The following GTF2A1 variants were observed in gnomAD, a reference collection of about 807,000 sequenced individuals.
GTF2A1 encodes the protein transcription initiation factor IIA subunit 1.
In GTF2A1, 12 loss-of-function variants were observed where a neutral mutation model predicts 54.1. The observed-to-expected ratio is 0.22, with a 90% CI of 0.14 to 0.36. The LOEUF (loss-of-function observed/expected upper bound fraction) is 0.36. GTF2A1 is among the 10% of genes least tolerant of loss of function. The probability of loss-of-function intolerance (pLI) is 1.00; values close to 1 mark genes in which losing one functional copy is unlikely to be tolerated. For missense variants in GTF2A1, 335 were observed against 442.2 expected, an observed-to-expected ratio of 0.76 and a Z score of 2.17; for synonymous variants, 145 against 152.0, an observed-to-expected ratio of 0.95 and a Z score of 0.34.
intron 6 of GTF2A1, among the ~76,000 whole-genome samples, chr14:81,193,408 G>T (rs752137932): frequency 6.6e-6 from 1 of 151,936 alleles, no homozygotes; most frequent in Non-Finnish European, 1.5e-5. Context: ...CTCATGATCC[G>T]CCCGCCTCCC....
In GTF2A1 at chr14:81,220,784, G is replaced by A; in HGVS notation, c.-266C>T. On this transcript the variant is annotated 5_prime_UTR_variant, in exon 1 of 9. Coordinates refer to ENST00000553612, the MANE Select transcript of GTF2A1 (RefSeq NM_015859.4). Reference sequence around the variant, plus strand: ...ACCCTTCAGGGGTCCGGGGGGCGTTGCCCGCTCCCCACCCCGCGCCAAGGA... The same window carrying A: ...ACCCTTCAGGGGTCCGGGGGGCGTTACCCGCTCCCCACCCCGCGCCAAGGA... 1 of 355,022 alleles carries A rather than the reference G, an allele frequency of 2.8e-6. No homozygotes were observed. Among genetic ancestry groups the A allele is most frequent in the Non-Finnish European group, 5.1e-6 (1 of 197,352 alleles). 22.0% of individuals were successfully genotyped at this position (355,022 alleles called of 1,614,324 possible). A position where few individuals can be genotyped will look rare whatever the true frequency, so the allele number is the denominator to read the frequency against.
chr14:81,195,730 C>G (rs575922956), intron 6 of GTF2A1, among the ~76,000 whole-genome samples: 1 of 151,646 alleles, frequency 6.6e-6, no homozygotes, highest in Non-Finnish European at 1.5e-5. Flanking sequence ...ATTCTACACA[C>G]CCACTTCCAG....
Position 81,178,716 on chromosome 14 carries a change from G to GA in GTF2A1, c.*1506dup, listed in dbSNP as rs1255874417. 2 of 152,060 alleles carry GA rather than the reference G, an allele frequency of 1.3e-5. No homozygotes were observed. The highest frequency in any genetic ancestry group is 3.9e-4 in the East Asian group (2 of 5,186). The allele number at this position is 152,060 out of a possible 1,614,324, so 9.4% of individuals were successfully genotyped here. A position where few individuals can be genotyped will look rare whatever the true frequency, so the allele number is the denominator to read the frequency against. ...TAAAAAGTGTTCATGTGTTACTTCT[G>GA]AAAACACAAAGGCAAAAGGAAGACA... is the stretch of plus-strand genomic sequence containing the variant. On this transcript the variant is annotated 3_prime_UTR_variant, in exon 9 of 9. Transcript: ENST00000553612.
At chr14:81,211,640 C>T (rs557775988) in intron 2 of GTF2A1, among the ~76,000 whole-genome samples, 1 of 152,080 alleles carries the variant, frequency 6.6e-6, no homozygotes, top group East Asian at 1.9e-4. Context: ...CGTCACATCA[C>T]AAGCCCAGAG....
chr14:81,179,544 TTTAA>T lies in GTF2A1; in HGVS notation c.*675_*678del, dbSNP rs1892596520. The T allele has an allele frequency of 6.6e-6, 1 of 152,208 alleles. No homozygotes were observed. The highest frequency in any genetic ancestry group is 2.1e-4 in the South Asian group (1 of 4,838). The allele number at this position is 152,208 out of a possible 1,614,324, so 9.4% of individuals were successfully genotyped here. ...GACAAGACCCAAGTCTTTAATTACATTTAATAAGTATGAAAACCTAATTAAAATA... is the reference window on the plus strand; with the variant it reads ...GACAAGACCCAAGTCTTTAATTACATTAAGTATGAAAACCTAATTAAAATA... On this transcript the variant is annotated 3_prime_UTR_variant, in exon 9 of 9. Transcript: ENST00000553612.
intron 2 of GTF2A1, among the ~76,000 whole-genome samples, chr14:81,209,203 G>C (rs1893307876): frequency 2.0e-5 from 3 of 152,188 alleles, no homozygotes. Context: ...GGAGGTAACT[G>C]AATCATAGGG....
intron 8 of GTF2A1, among the ~76,000 whole-genome samples, chr14:81,185,216 T>C (rs1892718220): frequency 6.6e-6 from 1 of 152,222 alleles, no homozygotes; most frequent in South Asian, 2.1e-4. Context: ...CTCATTGAGT[T>C]AGCTATTACC....
intron 2 of GTF2A1, among the ~76,000 whole-genome samples, chr14:81,213,198 G>A (rs1232859519): frequency 6.6e-6 from 1 of 151,958 alleles, no homozygotes; most frequent in East Asian, 1.9e-4. Flanking sequence ...TAGAAGCTGG[G>A]GATTCAAAAT....
intron 7 of GTF2A1, among the ~76,000 whole-genome samples, chr14:81,190,125 T>C (rs1892844218): frequency 6.6e-6 from 1 of 152,048 alleles, no homozygotes; most frequent in Non-Finnish European, 1.5e-5. Context: ...TAGATAAATA[T>C]ATAGAGAGTC....
Position 81,189,499 on chromosome 14 carries a change from A to G in GTF2A1, c.933+3020T>C, listed in dbSNP as rs575598853. Among the ~76,000 whole-genome samples the G allele has an allele frequency of 8.0e-4, 121 of 152,064 alleles. 1 individual carries two copies. Among genetic ancestry groups the G allele is most frequent in the African/African-American group, 2.8e-3 (115 of 41,476 alleles). ...ATCCTGGCTAACACAGCGAAACCCC[A>G]TCTCTACTAAAAATACAAAAAATTA... is the stretch of plus-strand genomic sequence containing the variant. On this transcript the variant is annotated intron_variant, in intron 7 of 8. Transcript: ENST00000553612.
chr14:81,187,136 C>G (rs1024245929), intron 7 of GTF2A1, among the ~76,000 whole-genome samples: 21 of 151,970 alleles, frequency 1.4e-4, no homozygotes, highest in Non-Finnish European at 2.9e-5. Flanking sequence ...AGGCAGATCA[C>G]GAGGTCAGGA....
intron 1 of GTF2A1, 142 bp from the exon 2 acceptor site, chr14:81,216,656 C>A: frequency 1.9e-6 from 1 of 529,546 alleles, no homozygotes; most frequent in Non-Finnish European, 3.4e-6. Flanking sequence ...CATCATTTGC[C>A]ATAAACTGGA....
At chr14:81,212,623 A>G (rs1893397484) in intron 2 of GTF2A1, among the ~76,000 whole-genome samples, 1 of 152,220 alleles carries the variant, frequency 6.6e-6, no homozygotes, top group South Asian at 2.1e-4. Context: ...AAGTTTGTAA[A>G]ATGGCCCCAG....
chr14:81,202,620 A>G, intron 3 of GTF2A1: 1 of 507,772 alleles, frequency 2.0e-6, no homozygotes, highest in East Asian at 5.5e-5. Context: ...TTGCCTGAAG[A>G]GTGGTAAACC....
chr14:81,203,824 T>C (rs1566858148), intron 3 of GTF2A1, 76 bp downstream of exon 3: 3 of 1,270,210 alleles, frequency 2.4e-6, no homozygotes, highest in Non-Finnish European at 3.4e-6. Flanking sequence ...ATCCAAAAAA[T>C]GCAGAATATT....
chr14:81,197,494 A>G lies in GTF2A1; in HGVS notation c.403-10T>C, dbSNP rs777797572. The stretch of plus-strand genomic sequence containing the variant: ...CTGTAGCAGCAGCACTCTGAAAAAA[A>G]CAAAGAAAAAATATCAAAACCACAT... On this transcript the variant is annotated splice_polypyrimidine_tract_variant and intron_variant, in intron 4 of 8. Coordinates refer to ENST00000553612, the MANE Select transcript of GTF2A1 (RefSeq NM_015859.4). 8.6e-6 allele frequency: 13 copies of G among 1,512,030 alleles called. No homozygotes were observed. Among genetic ancestry groups the G allele is most frequent in the Admixed American group, 1.9e-5 (1 of 53,696 alleles). The allele number at this position is 1,512,030 out of a possible 1,614,324, so 93.7% of individuals were successfully genotyped here.
chr14:81,215,194 A>G (rs1566862107), intron 2 of GTF2A1, among the ~76,000 whole-genome samples: 1 of 152,234 alleles, frequency 6.6e-6, no homozygotes, highest in Admixed American at 6.5e-5. Context: ...AAATTTCTTA[A>G]TATCAACATT....
intron 2 of GTF2A1, 118 bp downstream of exon 2, chr14:81,216,295 C>A: frequency 1.7e-6 from 1 of 583,368 alleles, no homozygotes; most frequent in South Asian, 2.3e-5. Flanking sequence ...GATTTAAAAC[C>A]AGCACACTTC....
chr14:81,204,237 G>A, intron 2 of GTF2A1, 133 bp from the exon 3 acceptor site: 1 of 793,958 alleles, frequency 1.3e-6, no homozygotes, highest in Non-Finnish European at 2.2e-6. Context: ...CAACAAATCT[G>A]TAATTCTAAC....
Sources: gnomAD v4.1 joint callset for allele counts (sites outside exome capture counted in the v4.1 genomes callset) on GRCh38, gnomAD v4.1.1 for gene constraint, MANE v1.5 for transcripts, NCBI Gene and HGNC (gene_info 2026-07-23, HGNC 2026-07-21) for gene names.